GALNT18: variants seen among roughly 807,000 people sequenced by gnomAD.
The protein encoded by GALNT18 is polypeptide N-acetylgalactosaminyltransferase 18, also known as GalNAc-transferase 18.
GALNT18 carries 44 observed loss-of-function variants against 69.5 expected under a neutral mutation model. The ratio of observed to expected loss-of-function variants is 0.63; its 90% CI spans 0.50 to 0.81. The LOEUF (loss-of-function observed/expected upper bound fraction) is 0.81, where lower values mean the gene tolerates loss of function less well. Among genes scored for constraint, GALNT18 ranks in the 40% least tolerant of loss-of-function variants. The probability of loss-of-function intolerance (pLI) is 0.00; values close to 1 mark genes in which losing one functional copy is unlikely to be tolerated. For synonymous variants in GALNT18, 364 were observed against 318.2 expected (o/e 1.14, Z -1.53); for missense variants, 715 against 810.0 (o/e 0.88, Z 1.42).
chr11:11,433,258 C>T (rs1054971780), intron 2 of GALNT18, among the ~76,000 whole-genome samples: 1 of 152,238 alleles, frequency 6.6e-6, no homozygotes, highest in South Asian at 2.1e-4. Flanking sequence ...AAATCTACTT[C>T]CCTTTACTCC....
Position 11,309,293 on chromosome 11 carries a change from A to G in GALNT18, c.1513-16100T>C, listed in dbSNP as rs1332327100. On this transcript the variant is annotated intron_variant, in intron 9 of 10. Transcript: ENST00000227756. This position sits in a 1 kb window ranked among gnomAD's most constrained non-coding sequence, Gnocchi z 4.6. ...GAGCTGATGAATTTCTCTTCATTAT[A>G]AATTTCTCAGCCTCAGGTTATAGCA... Among the ~76,000 whole-genome samples, 1 of 152,178 alleles carries G rather than the reference A, an allele frequency of 6.6e-6. No individual in the cohort carries two copies. Among genetic ancestry groups the G allele is most frequent in the African/African-American group, 2.4e-5 (1 of 41,434 alleles).
At chr11:11,317,524 C>T (rs1311731028) in intron 9 of GALNT18, among the ~76,000 whole-genome samples, 1 of 152,118 alleles carries the variant, frequency 6.6e-6, no homozygotes, top group East Asian at 1.9e-4. Context: ...TTGTTGGCTG[C>T]TTGTATGTCT....
intron 3 of GALNT18, among the ~76,000 whole-genome samples, chr11:11,427,620 G>T (rs189282072): frequency 6.6e-6 from 1 of 152,112 alleles, no homozygotes; most frequent in Non-Finnish European, 1.5e-5. Flanking sequence ...AGGAAAATAG[G>T]GTTCGCAGAG....
chr11:11,580,064 A>G (rs1014834369), intron 1 of GALNT18, among the ~76,000 whole-genome samples: 4 of 152,222 alleles, frequency 2.6e-5, no homozygotes, highest in African/African-American at 9.6e-5. Context: ...CAGACAAAAA[A>G]GCAAAATGGA....
intron 3 of GALNT18, among the ~76,000 whole-genome samples, chr11:11,397,567 G>A (rs1854363497): frequency 6.6e-6 from 1 of 152,160 alleles, no homozygotes; most frequent in South Asian, 2.1e-4. Flanking sequence ...CGGTTCAAGT[G>A]ATTCTCATGC....
chr11:11,308,665 C>T (rs1849619455), intron 9 of GALNT18, among the ~76,000 whole-genome samples: 1 of 152,158 alleles, frequency 6.6e-6, no homozygotes, highest in South Asian at 2.1e-4. Flanking sequence ...CTCTTCTACA[C>T]CTCCACTCTT....
In GALNT18 at chr11:11,596,740, C is replaced by G. The variant is rs1282965863; in HGVS notation, c.235+24619G>C. ...ACCTCACTGAACTCACTTACTAGTT[C>G]TAACTGATTTTTAGTGGATTCCCTA... is the stretch of plus-strand genomic sequence containing the variant. On this transcript the variant is annotated intron_variant, in intron 1 of 10. Transcript: ENST00000227756. This position sits in a 1 kb window ranked among gnomAD's most constrained non-coding sequence, Gnocchi z 4.2. Among the ~76,000 whole-genome samples the G allele has an allele frequency of 6.6e-6, 1 of 152,036 alleles. No individual in the cohort carries two copies. The highest frequency in any genetic ancestry group is 6.6e-5 in the Admixed American group (1 of 15,256).
intron 1 of GALNT18, among the ~76,000 whole-genome samples, chr11:11,508,130 C>T (rs1446093076): frequency 1.3e-5 from 2 of 152,154 alleles, no homozygotes; most frequent in African/African-American, 2.4e-5. Flanking sequence ...CTTTATAGCT[C>T]TTTGTTCATT....
rs964893628 is a variant in GALNT18 at position 11,332,408 on chromosome 11, A to C, written c.1416+286T>G. ...TTACCTTACCTTTTAATCTTAAGCT[A>C]ACTGCTTTATTATGTGTTTTATTAA... On this transcript the variant is annotated intron_variant, in intron 8 of 10. Transcript: ENST00000227756. This position sits in a 1 kb window ranked among gnomAD's most constrained non-coding sequence, Gnocchi z 4.3. 3.3e-5 allele frequency among the ~76,000 whole-genome samples: 5 copies of C among 152,280 alleles called. No individual in the cohort carries two copies. Among genetic ancestry groups the C allele is most frequent in the African/African-American group, 1.2e-4 (5 of 41,548 alleles).
At chr11:11,612,493 C>T (rs1021229672) in intron 1 of GALNT18, among the ~76,000 whole-genome samples, 1 of 152,194 alleles carries the variant, frequency 6.6e-6, no homozygotes, top group Non-Finnish European at 1.5e-5. Context: ...TGGTACTGTT[C>T]TCCTAAATCC....
In GALNT18 at chr11:11,563,697, C is replaced by T. The variant is rs902999710; in HGVS notation, c.235+57662G>A. On this transcript the variant is annotated intron_variant, in intron 1 of 10. Coordinates refer to ENST00000227756, the MANE Select transcript of GALNT18 (RefSeq NM_198516.3). The surrounding 1 kb of genome is among the most constrained non-coding windows in gnomAD (Gnocchi z 4.6). ...GCAAGTGGGATTCAAACCCAGGCTT[C>T]CCAACGCCAAGTCTAACACTCTCTC... is the stretch of plus-strand genomic sequence containing the variant. Among the ~76,000 whole-genome samples the T allele has an allele frequency of 6.6e-6, 1 of 152,184 alleles. No individual in the cohort carries two copies. The highest frequency in any genetic ancestry group is 2.4e-5 in the African/African-American group (1 of 41,450).
intron 1 of GALNT18, among the ~76,000 whole-genome samples, chr11:11,484,326 C>T (rs1856596651): frequency 6.6e-6 from 1 of 151,946 alleles, no homozygotes. Context: ...GGCATGGTGG[C>T]TCACACCTGT....
Position 11,591,185 on chromosome 11 carries a change from T to TGTGTGTGTGTGTGTGTG in GALNT18, c.235+30173_235+30174insCACACACACACACACAC, listed in dbSNP as rs1565030794. 6.6e-6 allele frequency among the ~76,000 whole-genome samples: 1 copy of TGTGTGTGTGTGTGTGTG among 151,656 alleles called. No homozygotes were observed. Among genetic ancestry groups the TGTGTGTGTGTGTGTGTG allele is most frequent in the African/African-American group, 2.4e-5 (1 of 41,210 alleles). On this transcript the variant is annotated intron_variant, in intron 1 of 10. Transcript: ENST00000227756. This position sits in a 1 kb window ranked among gnomAD's most constrained non-coding sequence, Gnocchi z 4.8. Reference sequence around the variant, plus strand: ...GTGTGTGTGTGTGTGTGTGTGTGTGTTAGTTTTTAAGCCTTTTTAAGGCCT... The same window carrying TGTGTGTGTGTGTGTGTG: ...GTGTGTGTGTGTGTGTGTGTGTGTGTGTGTGTGTGTGTGTGTGTAGTTTTTAAGCCTTTTTAAGGCCT...
intron 1 of GALNT18, among the ~76,000 whole-genome samples, chr11:11,455,175 CA>C (rs1407285254): frequency 6.6e-6 from 1 of 152,200 alleles, no homozygotes; most frequent in Non-Finnish European, 1.5e-5. Flanking sequence ...ATCATCTAAG[CA>C]ACAAATATTT....
At chr11:11,358,652 T>C (rs1850579946) in intron 6 of GALNT18, among the ~76,000 whole-genome samples, 1 of 140,080 alleles carries the variant, frequency 7.1e-6, no homozygotes, top group African/African-American at 2.6e-5. Flanking sequence ...TGGTGTCTTT[T>C]GAAATTCTTG....
chr11:11,558,413 C>T (rs934160650), intron 1 of GALNT18, among the ~76,000 whole-genome samples: 3 of 152,208 alleles, frequency 2.0e-5, no homozygotes, highest in Non-Finnish European at 2.9e-5. Context: ...CTTGCAAATG[C>T]CTTAGTGTGT....
At chr11:11,307,937 C>A (rs529342395) in intron 9 of GALNT18, among the ~76,000 whole-genome samples, 1 of 152,182 alleles carries the variant, frequency 6.6e-6, no homozygotes, top group African/African-American at 2.4e-5. Flanking sequence ...TGGAAGTGGG[C>A]GCTTTGTCCT....
In GALNT18 at chr11:11,341,739, T is replaced by C. The variant is rs1259642245; in HGVS notation, c.1093-735A>G. 6.6e-6 allele frequency among the ~76,000 whole-genome samples: 1 copy of C among 152,192 alleles called. No homozygotes were observed. Among genetic ancestry groups the C allele is most frequent in the Non-Finnish European group, 1.5e-5 (1 of 68,034 alleles). ...ATGTTCCTGAACTTGCACTCTTTTG[T>C]GCTTCTAGGCTTTGCTCCATTCTGC... On this transcript the variant is annotated intron_variant, in intron 6 of 10. Transcript: ENST00000227756. The surrounding 1 kb of genome is among the most constrained non-coding windows in gnomAD (Gnocchi z 6.3).
At chr11:11,378,365 G>T (rs1216541469) in intron 4 of GALNT18, among the ~76,000 whole-genome samples, 2 of 152,118 alleles carry the variant, frequency 1.3e-5, no homozygotes, top group Admixed American at 6.5e-5. Flanking sequence ...GCTACTTATG[G>T]TCATTGCCAG....
Sources: gnomAD v4.1 joint callset for allele counts (sites outside exome capture counted in the v4.1 genomes callset) on GRCh38, gnomAD v4.1.1 for gene constraint, Gnocchi (gnomAD v3.1) non-coding constraint, MANE v1.5 for transcripts, NCBI Gene and HGNC (gene_info 2026-07-23, HGNC 2026-07-21) for gene names.